CDS1: variants seen among roughly 807,000 people sequenced by gnomAD.
The protein encoded by CDS1 is phosphatidate cytidylyltransferase 1.
In CDS1, 41 loss-of-function variants were observed where a neutral mutation model predicts 62.1. That is an observed-to-expected ratio of 0.66 (90% CI 0.51 to 0.86). The LOEUF (loss-of-function observed/expected upper bound fraction) is 0.86, where lower values mean the gene tolerates loss of function less well. Among genes scored for constraint, CDS1 ranks in the 40% least tolerant of loss-of-function variants. CDS1 has a pLI of 0.00. For synonymous variants in CDS1, 185 were observed against 192.6 expected (o/e 0.96, Z 0.32); for missense variants, 470 against 550.1 (o/e 0.85, Z 1.46).
chr4:84,640,210 A>C (rs1221784897), intron 9 of CDS1, among the ~76,000 whole-genome samples: 1 of 149,622 alleles, frequency 6.7e-6, no homozygotes, highest in East Asian at 1.9e-4. Flanking sequence ...TTTGGAAGCA[A>C]AATCAGTTTA....
At position 84,650,174 on chromosome 4, in the gene CDS1, T is replaced by C. The variant is rs1240352312; in HGVS notation, c.*1488T>C. On this transcript the variant is annotated 3_prime_UTR_variant, in exon 13 of 13. Transcript: ENST00000295887. ...TACCTAAAACAAAAGATTGCCGTTA[T>C]ACCTGGGTTCCACTGATGCAGTCAG... The C allele has an allele frequency of 6.6e-6, 1 of 152,218 alleles. No homozygotes were observed. The highest frequency in any genetic ancestry group is 1.5e-5 in the Non-Finnish European group (1 of 68,038). The allele number at this position is 152,218 out of a possible 1,614,324, so 9.4% of individuals were successfully genotyped here. A position where few individuals can be genotyped will look rare whatever the true frequency, so the allele number is the denominator to read the frequency against.
At chr4:84,618,503 G>A (rs1165970570) in intron 4 of CDS1, among the ~76,000 whole-genome samples, 1 of 152,212 alleles carries the variant, frequency 6.6e-6, no homozygotes, top group African/African-American at 2.4e-5. Flanking sequence ...TCAAACAAGA[G>A]GTAAAAGATA....
At chr4:84,598,086 A>G (rs1256823015) in intron 1 of CDS1, among the ~76,000 whole-genome samples, 1 of 151,158 alleles carries the variant, frequency 6.6e-6, no homozygotes. Context: ...AGATCGTGCC[A>G]CTGCACTCCA....
intron 2 of CDS1, among the ~76,000 whole-genome samples, chr4:84,608,818 C>G (rs1723214629): frequency 6.6e-6 from 1 of 152,064 alleles, no homozygotes; most frequent in East Asian, 1.9e-4. Flanking sequence ...GCCTGACTTT[C>G]ACATCCACCC....
intron 5 of CDS1, among the ~76,000 whole-genome samples, chr4:84,629,215 A>G (rs901910755): frequency 4.6e-5 from 7 of 152,164 alleles, no homozygotes; most frequent in South Asian, 4.1e-4. Context: ...TAATATATCC[A>G]TATAGTTGTG....
intron 12 of CDS1, among the ~76,000 whole-genome samples, chr4:84,647,028 A>G (rs950261471): frequency 9.9e-5 from 15 of 152,136 alleles, no homozygotes; most frequent in African/African-American, 3.4e-4. Context: ...GTCTGTCTTT[A>G]CTGCTTGCCT....
chr4:84,615,214 G>A (rs1271896829), intron 3 of CDS1, among the ~76,000 whole-genome samples: 2 of 151,632 alleles, frequency 1.3e-5, no homozygotes, highest in Non-Finnish European at 2.9e-5. Context: ...ATTTCCTCAC[G>A]CACCATGTCT....
chr4:84,635,613 G>GCCTTCCTT (rs1724164007), intron 8 of CDS1, among the ~76,000 whole-genome samples: 1 of 98,242 alleles, frequency 1.0e-5, no homozygotes, highest in East Asian at 3.4e-4. Flanking sequence ...CTGCCTGCCT[G>GCCTTCCTT]CCTGCCTGCC....
At position 84,645,202 on chromosome 4, in the gene CDS1, A is replaced by G; in HGVS notation, c.1153-20A>G. The G allele has an allele frequency of 6.6e-7, 1 of 1,516,090 alleles. No homozygotes were observed. The highest frequency in any genetic ancestry group is 1.7e-4 in the Middle Eastern group (1 of 5,874). The allele number at this position is 1,516,090 out of a possible 1,614,324, so 93.9% of individuals were successfully genotyped here. ...GGTGATTTTTTGAAAATTTGCTAAT[A>G]TATTTGTTTGTTTCTAAAGGATTTT... On this transcript the variant is annotated intron_variant, in intron 11 of 12. Transcript: ENST00000295887.
chr4:84,596,298 C>T (rs1722747439), intron 1 of CDS1, among the ~76,000 whole-genome samples: 1 of 152,182 alleles, frequency 6.6e-6, no homozygotes, highest in African/African-American at 2.4e-5. Flanking sequence ...ATAATATAAA[C>T]TTACCTTACA....
At chr4:84,604,216 C>T in intron 1 of CDS1, 27 bp from the exon 2 acceptor site, 2 of 1,596,550 alleles carry the variant, frequency 1.3e-6, no homozygotes, top group Non-Finnish European at 1.7e-6. Context: ...CGTGATTTTG[C>T]AAAGTAATTT....
intron 3 of CDS1, among the ~76,000 whole-genome samples, chr4:84,612,951 G>T (rs140656637): frequency 0.074 from 11,060 of 148,576 alleles, 727 homozygotes; most frequent in African/African-American, 0.18. Context: ...ATCACACCAC[G>T]GCACTCCAGT....
intron 2 of CDS1, among the ~76,000 whole-genome samples, chr4:84,606,980 C>T (rs1392586864): frequency 6.6e-6 from 1 of 152,230 alleles, no homozygotes; most frequent in African/African-American, 2.4e-5. Flanking sequence ...TGTACAACTA[C>T]ATGGGGCCTT....
chr4:84,590,330 A>G (rs777395847), intron 1 of CDS1, among the ~76,000 whole-genome samples: 12 of 152,222 alleles, frequency 7.9e-5, no homozygotes, highest in Non-Finnish European at 1.6e-4. Context: ...TTCCAGGAAT[A>G]CTCAAGTTAT....
chr4:84,601,542 G>C (rs1189271518), intron 1 of CDS1, among the ~76,000 whole-genome samples: 1 of 152,140 alleles, frequency 6.6e-6, no homozygotes, highest in Non-Finnish European at 1.5e-5. Context: ...GCCCAAGATA[G>C]AAAGTTGAGG....
chr4:84,628,182 G>C (rs1723914180), intron 5 of CDS1, among the ~76,000 whole-genome samples: 1 of 152,126 alleles, frequency 6.6e-6, no homozygotes, highest in African/African-American at 2.4e-5. Flanking sequence ...TGGGGGATGA[G>C]TCAGAAGCTT....
chr4:84,641,027 C>T (rs1160028066), intron 10 of CDS1, 37 bp downstream of exon 10: 14 of 1,320,990 alleles, frequency 1.1e-5, no homozygotes, highest in Non-Finnish European at 1.4e-5. Context: ...GGTTAGAGAT[C>T]TTCCACTCTG....
intron 1 of CDS1, among the ~76,000 whole-genome samples, chr4:84,590,057 C>A (rs1434980240): frequency 2.0e-5 from 3 of 152,110 alleles, no homozygotes; most frequent in African/African-American, 7.2e-5. Flanking sequence ...GTGATCTGCC[C>A]GCCTTGGCCT....
rs747677614 is a variant in CDS1, at chr4:84,640,961, C to T, written c.1003C>T (p.Pro335Ser). 6.2e-7 allele frequency: 1 copy of T among 1,600,488 alleles called. No homozygotes were observed. The highest frequency in any genetic ancestry group is 8.5e-7 in the Non-Finnish European group (1 of 1,174,454). The change falls in exon 10 of 13, where the codon CCA becomes TCA. Residue 335 changes from proline (P) to serine (S), a missense_variant. Transcript: ENST00000295887. ...TTTCCAGCTTCAGACTTACTCACTT[C>T]CACCCTTTCTAAAGGCAGTCTTGAG... ...ELFQLQTYSL[P>S]PFLKAVLRQE... is the part of the protein sequence containing the mutation.
Sources: gnomAD v4.1 joint callset for allele counts (sites outside exome capture counted in the v4.1 genomes callset) on GRCh38, gnomAD v4.1.1 for gene constraint, MANE v1.5 for transcripts, NCBI Gene and HGNC (gene_info 2026-07-23, HGNC 2026-07-21) for gene names.